The following CADM2 variants were observed in gnomAD, a reference collection of about 807,000 sequenced individuals.
CADM2 encodes the protein immunoglobulin superfamily member 4D.
A neutral mutation model predicts 49.8 loss-of-function variants in CADM2; 12 were observed. That is an observed-to-expected ratio of 0.24 (90% confidence interval 0.15 to 0.39). The LOEUF is 0.39. Ranked by LOEUF, CADM2 falls within the 10% of genes least tolerant of loss-of-function variation. CADM2 has a pLI of 1.00. For missense variants in CADM2, 378 were observed against 492.3 expected, an observed-to-expected ratio of 0.77 and a Z score of 2.20; for synonymous variants, 214 against 175.4, an observed-to-expected ratio of 1.22 and a Z score of -1.74.
rs567140198 is a variant in CADM2 at position 85,568,514 on chromosome 3, T to C, written c.62-158008T>C. On this transcript the variant is annotated intron_variant, in intron 1 of 9. Coordinates refer to ENST00000383699, the MANE Select transcript of CADM2 (RefSeq NM_001167675.2). ...TTCTTTCTTTCTTTCTTTCTTTCTTTCCTCCCTCCCTCCCTCTCTCTTTTC... is the reference window on the plus strand; with the variant it reads ...TTCTTTCTTTCTTTCTTTCTTTCTTCCCTCCCTCCCTCCCTCTCTCTTTTC... 3.4e-4 allele frequency among the ~76,000 whole-genome samples: 44 copies of C among 129,522 alleles called. 2 individuals carry two copies. The highest frequency in any genetic ancestry group is 1.6e-3 in the African/African-American group (40 of 25,516). The allele number at this position is 129,522 out of a possible 152,430, so 85.0% of individuals were successfully genotyped here.
chr3:85,236,255 A>G (rs533259160), intron 1 of CADM2, among the ~76,000 whole-genome samples: 1 of 152,186 alleles, frequency 6.6e-6, no homozygotes, highest in South Asian at 2.1e-4. Context: ...ATATATGAAC[A>G]TGTATATATG....
rs188312983 is a variant in CADM2 at position 85,078,152 on chromosome 3, A to G, written c.61+118484A>G. ...ATTTAGTAAGGGATAAATGGCTGGT[A>G]ACTAAACTCTAAGAATTTTTGCATT... On this transcript the variant is annotated intron_variant, in intron 1 of 9. Coordinates refer to ENST00000383699, the MANE Select transcript of CADM2 (RefSeq NM_001167675.2). Among the ~76,000 whole-genome samples the G allele has an allele frequency of 2.4e-3, 366 of 152,126 alleles. 2 individuals carry two copies. The highest frequency in any genetic ancestry group is 0.01 in the Middle Eastern group (3 of 294).
intron 1 of CADM2, among the ~76,000 whole-genome samples, chr3:85,078,131 A>G (rs567749463): frequency 1.3e-3 from 192 of 152,188 alleles, no homozygotes; most frequent in Admixed American, 1.9e-3. Flanking sequence ...AAAGTCATTT[A>G]GTAAGGGATA....
intron 2 of CADM2, among the ~76,000 whole-genome samples, chr3:85,780,210 C>T (rs573599758): frequency 1.9e-4 from 29 of 152,038 alleles, no homozygotes; most frequent in Admixed American, 8.5e-4. Context: ...ACTAGTAGGC[C>T]GACATGTACA....
intron 1 of CADM2, among the ~76,000 whole-genome samples, chr3:85,212,301 C>G (rs1239017008): frequency 6.6e-6 from 1 of 152,066 alleles, no homozygotes. Context: ...AGGACATACT[C>G]CTGCCATTTT....
intron 3 of CADM2, among the ~76,000 whole-genome samples, chr3:85,869,067 A>C (rs1255205478): frequency 1.3e-5 from 2 of 152,126 alleles, no homozygotes; most frequent in Admixed American, 1.3e-4. Flanking sequence ...GTAATATTTT[A>C]AGAATGATAT....
At chr3:85,750,767 T>A (rs556724097) in intron 2 of CADM2, among the ~76,000 whole-genome samples, 55 of 152,148 alleles carry the variant, frequency 3.6e-4, no homozygotes, top group African/African-American at 1.3e-3. Flanking sequence ...CATTTTTTTT[T>A]ATTGACTAGT....
At chr3:85,048,024 C>G (rs914579310) in intron 1 of CADM2, among the ~76,000 whole-genome samples, 1 of 151,994 alleles carries the variant, frequency 6.6e-6, no homozygotes, top group Non-Finnish European at 1.5e-5. Context: ...ATAATATGCT[C>G]AGCACCATGT....
chr3:85,700,791 T>C (rs2066729412), intron 1 of CADM2, among the ~76,000 whole-genome samples: 1 of 152,174 alleles, frequency 6.6e-6, no homozygotes, highest in African/African-American at 2.4e-5. Context: ...ACTATCAGCA[T>C]TTTGGTCATA....
At chr3:85,605,110 G>A (rs569516400) in intron 1 of CADM2, among the ~76,000 whole-genome samples, 1 of 152,110 alleles carries the variant, frequency 6.6e-6, no homozygotes, top group African/African-American at 2.4e-5. Context: ...AGGGCACAGG[G>A]AATAGATTTT....
chr3:85,896,045 C>A (rs1024406580), intron 5 of CADM2, among the ~76,000 whole-genome samples: 1 of 152,158 alleles, frequency 6.6e-6, no homozygotes, highest in Non-Finnish European at 1.5e-5. Flanking sequence ...AATCCCAGCC[C>A]TTTGTGGGGC....
At chr3:85,830,802 TTTA>T (rs2074148712) in intron 3 of CADM2, among the ~76,000 whole-genome samples, 1 of 73,072 alleles carries the variant, frequency 1.4e-5, no homozygotes, top group Non-Finnish European at 2.8e-5. Flanking sequence ...GTGCATTTTA[TTTA>T]TTTATTTATT....
At chr3:85,601,767 A>G (rs1411618994) in intron 1 of CADM2, among the ~76,000 whole-genome samples, 2 of 151,372 alleles carry the variant, frequency 1.3e-5, no homozygotes, top group African/African-American at 2.4e-5. Flanking sequence ...TTCATTTACT[A>G]TGCATTTGCA....
intron 1 of CADM2, among the ~76,000 whole-genome samples, chr3:85,500,656 T>C (rs917934857): frequency 1.3e-5 from 2 of 152,022 alleles, no homozygotes; most frequent in Non-Finnish European, 2.9e-5. Context: ...TAGCTAGGAC[T>C]ACAGGTGCCC....
chr3:85,476,714 G>T (rs980360477), intron 1 of CADM2, among the ~76,000 whole-genome samples: 5 of 151,670 alleles, frequency 3.3e-5, no homozygotes, highest in South Asian at 2.1e-4. Flanking sequence ...TATTTTTAAC[G>T]CATGGCTTGC....
intron 1 of CADM2, among the ~76,000 whole-genome samples, chr3:85,081,557 C>T (rs1173428151): frequency 1.3e-5 from 2 of 152,158 alleles, no homozygotes; most frequent in Admixed American, 6.6e-5. Flanking sequence ...CCTTTATTTT[C>T]TAAATAGAAC....
intron 1 of CADM2, among the ~76,000 whole-genome samples, chr3:84,967,947 G>T (rs1248859): frequency 6.6e-5 from 10 of 151,916 alleles, no homozygotes; most frequent in African/African-American, 2.4e-4. Context: ...CACAGAGAAA[G>T]GCCTGGCAAA....
At chr3:86,017,178 A>G (rs867508745) in intron 8 of CADM2, among the ~76,000 whole-genome samples, 2,339 of 148,032 alleles carry the variant, frequency 0.016, 29 homozygotes, top group Middle Eastern at 0.076. Flanking sequence ...GTATATATAT[A>G]TATATATATA....
intron 7 of CADM2, among the ~76,000 whole-genome samples, chr3:85,936,521 A>G (rs1721204443): frequency 6.6e-6 from 1 of 151,838 alleles, no homozygotes; most frequent in Non-Finnish European, 1.5e-5. Context: ...TTTGAAAGCA[A>G]TATGATCATT....
Sources: gnomAD v4.1 joint callset for allele counts (sites outside exome capture counted in the v4.1 genomes callset) on GRCh38, gnomAD v4.1.1 for gene constraint, MANE v1.5 for transcripts, NCBI Gene and HGNC (gene_info 2026-07-23, HGNC 2026-07-21) for gene names.